The following ZNF532 variants were observed in gnomAD, a reference collection of about 807,000 sequenced individuals.
ZNF532 encodes the protein zinc finger protein 532.
Under a neutral mutation model 89.3 loss-of-function variants are expected in ZNF532, and 22 were observed. The observed-to-expected ratio is 0.25, with a 90% CI of 0.18 to 0.35. The LOEUF is 0.35. Ranked by LOEUF, ZNF532 falls within the 10% of genes least tolerant of loss-of-function variation. The pLI, the probability that ZNF532 is intolerant of heterozygous loss-of-function variation, is 1.00. For synonymous variants in ZNF532, 606 were observed against 649.6 expected, an observed-to-expected ratio of 0.93 and a Z score of 1.02; for missense variants, 1,132 against 1,643.4, an observed-to-expected ratio of 0.69 and a Z score of 5.38.
chr18:58,863,387 C>G (rs1451481047), upstream of ZNF532: 7 of 146,144 alleles, frequency 4.8e-5, no homozygotes, highest in East Asian at 2.1e-4. Flanking sequence ...CGGGCGTCGG[C>G]GCCCGCCGGC....
intron 2 of ZNF532, among the ~76,000 whole-genome samples, chr18:58,866,668 T>G (rs757656584): frequency 6.6e-6 from 1 of 152,194 alleles, no homozygotes; most frequent in East Asian, 1.9e-4. Context: ...GTGCCGAGGA[T>G]CTTGGAATTG....
chr18:58,871,316 C>T (rs1298421986), intron 2 of ZNF532, among the ~76,000 whole-genome samples: 1 of 152,166 alleles, frequency 6.6e-6, no homozygotes, highest in Non-Finnish European at 1.5e-5. Context: ...AACTCCTTGG[C>T]TCAAGGGATC....
intron 2 of ZNF532, among the ~76,000 whole-genome samples, chr18:58,867,420 T>C (rs1351939707): frequency 6.6e-6 from 1 of 152,224 alleles, no homozygotes; most frequent in African/African-American, 2.4e-5. Flanking sequence ...GCGGGAGTCA[T>C]GAGCTCATCT....
chr18:58,961,878 G>C (rs543054408), intron 7 of ZNF532, among the ~76,000 whole-genome samples: 7 of 152,292 alleles, frequency 4.6e-5, no homozygotes, highest in Admixed American at 4.6e-4. Context: ...TCTGTTGCTG[G>C]AAGTATTCAG....
chr18:58,874,469 T>A (rs2057270434), intron 2 of ZNF532, among the ~76,000 whole-genome samples: 1 of 150,790 alleles, frequency 6.6e-6, no homozygotes, highest in Admixed American at 6.6e-5. Context: ...CTCAGCCTCC[T>A]GTGTAGCTGG....
intron 4 of ZNF532, 54 bp downstream of exon 4, chr18:58,934,668 C>T (rs1318049580): frequency 6.5e-7 from 1 of 1,547,014 alleles, no homozygotes; most frequent in East Asian, 2.2e-5. Context: ...TACAACCGCA[C>T]AGCATTTTGA....
intron 5 of ZNF532, among the ~76,000 whole-genome samples, chr18:58,945,155 A>G (rs957343364): frequency 4.6e-5 from 7 of 152,184 alleles, no homozygotes; most frequent in Non-Finnish European, 8.8e-5. Flanking sequence ...CGTCTGAAGC[A>G]GTTGCTCAGT....
chr18:58,883,188 G>A (rs182793135), intron 2 of ZNF532, among the ~76,000 whole-genome samples: 355 of 152,188 alleles, frequency 2.3e-3, no homozygotes, highest in Non-Finnish European at 4.1e-3. Flanking sequence ...CTTTCTCTGT[G>A]TTTTTTTCCT....
intron 2 of ZNF532, among the ~76,000 whole-genome samples, chr18:58,888,856 TTATA>T (rs1230242230): frequency 0.042 from 1,851 of 44,398 alleles, 297 homozygotes; most frequent in African/African-American, 0.18. Context: ...TATATATAAT[TTATA>T]TATATATAAT....
At position 58,982,494 on chromosome 18, in the gene ZNF532, A is replaced by T. The variant is rs138518219; in HGVS notation, c.3411+877A>T. ...AAATTAGCCAGGCGTGGTGGTGCAC[A>T]CCTGTAATCTCCAGCTACTCAGGAG... On this transcript the variant is annotated intron_variant, in intron 9 of 9. Coordinates refer to ENST00000591808, the MANE Select transcript of ZNF532 (RefSeq NM_001375912.1). Among the ~76,000 whole-genome samples, 499 of 150,394 alleles carry T rather than the reference A, an allele frequency of 3.3e-3. 2 individuals are homozygous for T. Among genetic ancestry groups the T allele is most frequent in the African/African-American group, 0.011 (470 of 40,870 alleles).
At chr18:58,933,552 GTATT>G (rs1568359041) in intron 3 of ZNF532, among the ~76,000 whole-genome samples, 1 of 152,148 alleles carries the variant, frequency 6.6e-6, no homozygotes, top group East Asian at 1.9e-4. Flanking sequence ...ATGTCTGAAA[GTATT>G]TAAACACAGT....
chr18:58,970,135 C>T (rs531180457), intron 7 of ZNF532, among the ~76,000 whole-genome samples: 19 of 152,276 alleles, frequency 1.2e-4, no homozygotes, highest in African/African-American at 4.6e-4. Context: ...CCACCTGCCT[C>T]GGCCTCCCAA....
At chr18:58,868,272 GT>G (rs2056660217) in intron 2 of ZNF532, among the ~76,000 whole-genome samples, 1 of 152,132 alleles carries the variant, frequency 6.6e-6, no homozygotes, top group Non-Finnish European at 1.5e-5. Context: ...ACACCTTCGT[GT>G]TCATTTTATT....
intron 3 of ZNF532, 34 bp downstream of exon 3, chr18:58,920,667 A>G (rs1430600460): frequency 2.0e-6 from 3 of 1,534,784 alleles, no homozygotes; most frequent in Admixed American, 4.0e-5. Context: ...TGTTTCAGTG[A>G]TGAGTCTGTA....
At chr18:58,914,634 C>G (rs1036337354) in intron 2 of ZNF532, among the ~76,000 whole-genome samples, 2 of 151,490 alleles carry the variant, frequency 1.3e-5, no homozygotes, top group African/African-American at 2.4e-5. Context: ...GAGCCGAGAT[C>G]ACACTGCTGT....
intron 2 of ZNF532, among the ~76,000 whole-genome samples, chr18:58,913,827 G>A (rs960156108): frequency 3.7e-4 from 56 of 152,126 alleles, no homozygotes; most frequent in African/African-American, 1.3e-3. Context: ...TGATTTAGAG[G>A]GTATTGATTT....
chr18:58,895,614 T>G (rs2059195371), intron 2 of ZNF532, among the ~76,000 whole-genome samples: 1 of 152,142 alleles, frequency 6.6e-6, no homozygotes, highest in Non-Finnish European at 1.5e-5. Flanking sequence ...ATCGTACGTG[T>G]CTCTTCCCAG....
intron 7 of ZNF532, among the ~76,000 whole-genome samples, chr18:58,971,231 T>C (rs2066447349): frequency 6.6e-6 from 1 of 152,202 alleles, no homozygotes; most frequent in South Asian, 2.1e-4. Context: ...TCTAGGCACG[T>C]GACAGTGATA....
At chr18:58,891,210 C>G (rs1023080150) in intron 2 of ZNF532, among the ~76,000 whole-genome samples, 1 of 152,024 alleles carries the variant, frequency 6.6e-6, no homozygotes, top group African/African-American at 2.4e-5. Context: ...TGAGCCACTG[C>G]GCCCGGCCTC....
Sources: allele counts gnomAD v4.1 joint callset (sites outside exome capture counted in the v4.1 genomes callset), GRCh38; gene constraint gnomAD v4.1.1; transcripts MANE v1.5; gene names NCBI Gene and HGNC (gene_info 2026-07-23, HGNC 2026-07-21).